ABLIM2: variants seen among roughly 807,000 people sequenced by gnomAD.
ABLIM2 encodes the protein actin binding LIM protein family member 2.
Under a neutral mutation model 97.7 loss-of-function variants are expected in ABLIM2, and 53 were observed. The ratio of observed to expected loss-of-function variants is 0.54; its 90% CI spans 0.44 to 0.68. The LOEUF is 0.68. ABLIM2 is among the 30% of genes least tolerant of loss of function. The pLI, the probability that ABLIM2 is intolerant of heterozygous loss-of-function variation, is 0.00. For missense variants in ABLIM2, 835 were observed against 867.2 expected (o/e 0.96, Z 0.47); for synonymous variants, 361 against 345.8 (o/e 1.04, Z -0.49).
rs557331814 is a variant in ABLIM2, at chr4:8,085,916, C to G, written c.454+2253G>C. Among the ~76,000 whole-genome samples, 1 of 138,012 alleles carries G rather than the reference C, an allele frequency of 7.2e-6. No homozygotes were observed. The highest frequency in any genetic ancestry group is 1.5e-5 in the Non-Finnish European group (1 of 64,676). The allele number at this position is 138,012 out of a possible 152,430, so 90.5% of individuals were successfully genotyped here. The stretch of plus-strand genomic sequence containing the variant: ...TTGGAGTTGAAAGGCCTTGGCCCAC[C>G]CCTCGGCACTTCCGCCCCCTGATGG... On this transcript the variant is annotated intron_variant, in intron 4 of 20. Coordinates refer to ENST00000447017, the MANE Select transcript of ABLIM2 (RefSeq NM_001130083.2). The surrounding 1 kb of genome is among the most constrained non-coding windows in gnomAD (Gnocchi z 6.1).
At position 8,071,648 on chromosome 4, in the gene ABLIM2, A is replaced by G; in HGVS notation, c.675+5980T>C. 1.1e-6 allele frequency: 1 copy of G among 941,272 alleles called. No individual in the cohort carries two copies. The highest frequency in any genetic ancestry group is 1.3e-6 in the Non-Finnish European group (1 of 789,824). 58.3% of individuals were successfully genotyped at this position (941,272 alleles called of 1,614,324 possible). A position where few individuals can be genotyped will look rare whatever the true frequency, so the allele number is the denominator to read the frequency against. On this transcript the variant is annotated intron_variant, in intron 6 of 20. Transcript: ENST00000447017. The surrounding 1 kb of genome is among the most constrained non-coding windows in gnomAD (Gnocchi z 6.2). ...TAGGGGGCAAAACGGGGGTGGGGGAACAGGTGGCTCCGAGGTCTCACACCT... is the reference window on the plus strand; with the variant it reads ...TAGGGGGCAAAACGGGGGTGGGGGAGCAGGTGGCTCCGAGGTCTCACACCT...
At chr4:8,040,086 T>G (rs1439124039) in intron 9 of ABLIM2, among the ~76,000 whole-genome samples, 1 of 152,096 alleles carries the variant, frequency 6.6e-6, no homozygotes, top group African/African-American at 2.4e-5. Flanking sequence ...TGGATTCTGG[T>G]GCATTCCTGT....
intron 3 of ABLIM2, among the ~76,000 whole-genome samples, chr4:8,091,211 T>C (rs1164953318): frequency 7.2e-6 from 1 of 139,668 alleles, no homozygotes; most frequent in African/African-American, 2.7e-5. Flanking sequence ...TTCATTTGCA[T>C]ACCCCTGTGA....
intron 3 of ABLIM2, among the ~76,000 whole-genome samples, chr4:8,096,388 G>A (rs189546093): frequency 6.6e-6 from 1 of 152,212 alleles, no homozygotes; most frequent in South Asian, 2.1e-4. Context: ...TCTAAGCCAC[G>A]TACACAAAAA....
At chr4:8,134,875 A>G (rs1849958068) in intron 1 of ABLIM2, among the ~76,000 whole-genome samples, 1 of 152,248 alleles carries the variant, frequency 6.6e-6, no homozygotes, top group Admixed American at 6.5e-5. Context: ...GTCTATTTGC[A>G]TGTGGGTGCA....
Position 8,032,566 on chromosome 4 carries a change from G to A in ABLIM2, c.1048-2790C>T, listed in dbSNP as rs769912339. On this transcript the variant is annotated intron_variant, in intron 10 of 20. Transcript: ENST00000447017. The surrounding 1 kb of genome is among the most constrained non-coding windows in gnomAD (Gnocchi z 4.3). ...AAGAGCCACCGAGGAGGCCCTTCCC[G>A]GGAGTGCGGCTGGGTGGTTATGTTT... 3.0e-4 allele frequency: 470 copies of A among 1,580,596 alleles called. No homozygotes were observed. Among genetic ancestry groups the A allele is most frequent in the Admixed American group, 8.4e-4 (50 of 59,326 alleles).
At position 8,001,203 on chromosome 4, in the gene ABLIM2, G is replaced by A. The variant is rs1164958716; in HGVS notation, c.1618+6856C>T. On this transcript the variant is annotated intron_variant, in intron 16 of 20. Transcript: ENST00000447017. The surrounding 1 kb of genome is among the most constrained non-coding windows in gnomAD (Gnocchi z 4.2). ...ACTGGGGAGGGGAGGCAGAGCTTCC[G>A]GTGTCGGGGCCCAGGCAGCATTGGA... Among the ~76,000 whole-genome samples the A allele has an allele frequency of 6.6e-6, 1 of 152,210 alleles. No homozygotes were observed. The highest frequency in any genetic ancestry group is 1.9e-4 in the East Asian group (1 of 5,188).
At position 8,061,514 on chromosome 4, in the gene ABLIM2, C is replaced by T. The variant is rs1803082375; in HGVS notation, c.676-460G>A. On this transcript the variant is annotated intron_variant, in intron 6 of 20. Transcript: ENST00000447017. This position sits in a 1 kb window ranked among gnomAD's most constrained non-coding sequence, Gnocchi z 4.5. ...AAAAGGATGAATACTTTCCTTTTCA[C>T]ATCTCTGTATTGCTCAGTATGTTCA... Among the ~76,000 whole-genome samples the T allele has an allele frequency of 6.6e-6, 1 of 152,106 alleles. No homozygotes were observed. The highest frequency in any genetic ancestry group is 1.5e-5 in the Non-Finnish European group (1 of 68,018).
chr4:8,033,818 C>T lies in ABLIM2; in HGVS notation c.1047+2331G>A, dbSNP rs1333986709. 1.3e-5 allele frequency among the ~76,000 whole-genome samples: 2 copies of T among 152,236 alleles called. No homozygotes were observed. Among genetic ancestry groups the T allele is most frequent in the Non-Finnish European group, 2.9e-5 (2 of 68,036 alleles). On this transcript the variant is annotated intron_variant, in intron 10 of 20. Coordinates refer to ENST00000447017, the MANE Select transcript of ABLIM2 (RefSeq NM_001130083.2). This position sits in a 1 kb window ranked among gnomAD's most constrained non-coding sequence, Gnocchi z 4.5. Reference sequence around the variant, plus strand: ...GACAACAGCTAAGGGCCCGTGTCCACTTGGGCCTGGAAGCTGTGTCCTGGT... The same window carrying T: ...GACAACAGCTAAGGGCCCGTGTCCATTTGGGCCTGGAAGCTGTGTCCTGGT...
At chr4:8,102,446 C>A (rs12647620) in intron 2 of ABLIM2, among the ~76,000 whole-genome samples, 86,610 of 152,090 alleles carry the variant, frequency 0.57, 25,685 homozygotes, top group South Asian at 0.69. Flanking sequence ...TTGCATTAGA[C>A]CTGGTCCCCA....
intron 15 of ABLIM2, 132 bp downstream of exon 15, chr4:8,008,918 C>T (rs190160623): frequency 7.1e-5 from 73 of 1,026,324 alleles, no homozygotes; most frequent in South Asian, 4.4e-4. Flanking sequence ...GGCCTCCTAC[C>T]TTTGGCCTCG....
intron 3 of ABLIM2, 140 bp downstream of exon 3, chr4:8,096,959 G>A: frequency 9.1e-7 from 1 of 1,102,534 alleles, no homozygotes; most frequent in Non-Finnish European, 1.3e-6. Context: ...GGTGCAGACT[G>A]TGGGGCCTGG....
At chr4:8,034,270 G>A (rs1782791811) in intron 10 of ABLIM2, among the ~76,000 whole-genome samples, 1 of 150,848 alleles carries the variant, frequency 6.6e-6, no homozygotes, top group African/African-American at 2.4e-5. Flanking sequence ...GCAGTGGGTG[G>A]GTGCAGGTGA....
At chr4:8,078,024 G>A (rs1430408045) in intron 5 of ABLIM2, among the ~76,000 whole-genome samples, 5 of 152,220 alleles carry the variant, frequency 3.3e-5, no homozygotes, top group African/African-American at 1.2e-4. Flanking sequence ...AGCTGCTTCT[G>A]TAGACCTGGC....
At chr4:7,989,474 A>G in intron 17 of ABLIM2, 1 of 981,200 alleles carries the variant, frequency 1.0e-6, no homozygotes, top group Non-Finnish European at 1.2e-6. Context: ...TGGTGCATTT[A>G]AGTTGATGAA....
At position 8,133,322 on chromosome 4, in the gene ABLIM2, T is replaced by C. The variant is rs529275760; in HGVS notation, c.10+25358A>G. 4.8e-4 allele frequency among the ~76,000 whole-genome samples: 73 copies of C among 152,226 alleles called. 1 individual carries two copies. In the East Asian group the frequency reaches 0.01, roughly 21 times the overall value. ...TGCAATTCAACCCACAGCGGCGGCT[T>C]TCCTCTTTTCATCAGGGGACCTACA... is the stretch of plus-strand genomic sequence containing the variant. On this transcript the variant is annotated intron_variant, in intron 1 of 20. Coordinates refer to ENST00000447017, the MANE Select transcript of ABLIM2 (RefSeq NM_001130083.2).
intron 1 of ABLIM2, among the ~76,000 whole-genome samples, chr4:8,139,372 T>C (rs1360733993): frequency 6.6e-5 from 10 of 152,052 alleles, no homozygotes; most frequent in Non-Finnish European, 5.9e-5. Flanking sequence ...AAAGATCTAA[T>C]ATCCAGAATC....
intron 14 of ABLIM2, among the ~76,000 whole-genome samples, chr4:8,016,922 A>C (rs1438075470): frequency 1.3e-5 from 2 of 152,168 alleles, no homozygotes; most frequent in African/African-American, 4.8e-5. Flanking sequence ...GGGTGCATAT[A>C]TGGCTTGCCA....
At chr4:8,007,581 C>A (rs1762255100) in intron 16 of ABLIM2, 1 of 987,674 alleles carries the variant, frequency 1.0e-6, no homozygotes, top group African/African-American at 1.7e-5. Context: ...TAGGGTCAGG[C>A]AGACACCATC....
Sources: allele counts gnomAD v4.1 joint callset (sites outside exome capture counted in the v4.1 genomes callset), GRCh38; gene constraint gnomAD v4.1.1; non-coding constraint Gnocchi (gnomAD v3.1); transcripts MANE v1.5; gene names NCBI Gene and HGNC (gene_info 2026-07-23, HGNC 2026-07-21).